ZC2HC1B: variants seen among roughly 807,000 people sequenced by gnomAD.
ZC2HC1B encodes the protein zinc finger C2HC-type containing 1B, also known as zinc finger C2HC domain-containing protein 1B.
In ZC2HC1B, 36 loss-of-function variants were observed where a neutral mutation model predicts 31.0. That is an observed-to-expected ratio of 1.16 (90% CI 0.89 to 1.54). The LOEUF is 1.54. Ranked by LOEUF, ZC2HC1B falls within the 40% of genes most tolerant of loss-of-function variation. The probability of loss-of-function intolerance (pLI) is 0.00; values close to 1 mark genes in which losing one functional copy is unlikely to be tolerated. For synonymous variants in ZC2HC1B, 73 were observed against 88.0 expected, an observed-to-expected ratio of 0.83 and a Z score of 0.95; for missense variants, 260 against 268.6, an observed-to-expected ratio of 0.97 and a Z score of 0.22.
intron 1 of ZC2HC1B, among the ~76,000 whole-genome samples, chr6:143,876,596 A>C (rs888164863): frequency 2.0e-5 from 3 of 150,542 alleles, no homozygotes; most frequent in Non-Finnish European, 4.4e-5. Context: ...AGGGTTCTCT[A>C]GAGAGACAGA....
At chr6:143,930,057 A>G (rs1393629237) in intron 6 of ZC2HC1B, among the ~76,000 whole-genome samples, 2 of 151,300 alleles carry the variant, frequency 1.3e-5, no homozygotes, top group Admixed American at 6.6e-5. Context: ...TGTTTTGTTG[A>G]TCTTTTGTAT....
intron 4 of ZC2HC1B, among the ~76,000 whole-genome samples, chr6:143,888,642 C>T (rs1777559555): frequency 1.3e-5 from 2 of 151,882 alleles, no homozygotes; most frequent in South Asian, 4.1e-4. Context: ...GTATTTTATT[C>T]ATTTTGACAT....
Position 143,886,268 on chromosome 6 carries a change from A to T in ZC2HC1B, c.210+117A>T. On this transcript the variant is annotated intron_variant, in intron 3 of 7. Transcript: ENST00000237275. The surrounding 1 kb of genome is among the most constrained non-coding windows in gnomAD (Gnocchi z 4.2). The stretch of plus-strand genomic sequence containing the variant: ...AATACAGTAATGTAATGTAACTGTA[A>T]TCCACCTTTACTTTTTTCTTTATAA... 1 of 1,126,230 alleles carries T rather than the reference A, an allele frequency of 8.9e-7. No homozygotes were observed. Among genetic ancestry groups the T allele is most frequent in the East Asian group, 3.1e-5 (1 of 31,866 alleles). 69.8% of individuals were successfully genotyped at this position (1,126,230 alleles called of 1,614,324 possible).
chr6:143,880,518 T>A (rs962009237), intron 1 of ZC2HC1B, among the ~76,000 whole-genome samples: 1 of 152,242 alleles, frequency 6.6e-6, no homozygotes, highest in African/African-American at 2.4e-5. Context: ...AAATGTTTCA[T>A]TAATATTTTT....
Position 143,918,788 on chromosome 6 carries a change from T to C in ZC2HC1B, c.598+15636T>C, listed in dbSNP as rs1323415800. ...TCAGACTTGATAATTTCCATTGTCCTGTCTTTAAGTTTGCTGAGTCTTTCC... is the reference window on the plus strand; with the variant it reads ...TCAGACTTGATAATTTCCATTGTCCCGTCTTTAAGTTTGCTGAGTCTTTCC... On this transcript the variant is annotated intron_variant, in intron 6 of 7. Transcript: ENST00000237275. This position sits in a 1 kb window ranked among gnomAD's most constrained non-coding sequence, Gnocchi z 4.1. 6.6e-6 allele frequency among the ~76,000 whole-genome samples: 1 copy of C among 152,222 alleles called. No individual in the cohort carries two copies. Among genetic ancestry groups the C allele is most frequent in the East Asian group, 1.9e-4 (1 of 5,202 alleles).
Position 143,883,194 on chromosome 6 carries a change from C to T in ZC2HC1B, c.29-1110C>T, listed in dbSNP as rs912147014. ...AGCTGGGACCACAGGCGCGAGCCAC[C>T]AAGCCCAACTAATTTTTTATTTTGT... is the stretch of plus-strand genomic sequence containing the variant. On this transcript the variant is annotated intron_variant, in intron 1 of 7. Transcript: ENST00000237275. This position sits in a 1 kb window ranked among gnomAD's most constrained non-coding sequence, Gnocchi z 4.1. Among the ~76,000 whole-genome samples, 79 of 152,146 alleles carry T rather than the reference C, an allele frequency of 5.2e-4. No homozygotes were observed. The highest frequency in any genetic ancestry group is 1.8e-3 in the African/African-American group (76 of 41,438).
chr6:143,892,264 AGGGAAGGAGGT>A (rs1777609824), intron 4 of ZC2HC1B, among the ~76,000 whole-genome samples: 1 of 151,402 alleles, frequency 6.6e-6, no homozygotes, highest in Non-Finnish European at 1.5e-5. Flanking sequence ...GCAAGAGGGA[AGGGAAGGAGGT>A]GGGAAGGAGG....
rs938089913 is a variant in ZC2HC1B, at chr6:143,911,811, G to A, written c.598+8659G>A. Among the ~76,000 whole-genome samples, 29 of 152,194 alleles carry A rather than the reference G, an allele frequency of 1.9e-4. No homozygotes were observed. The highest frequency in any genetic ancestry group is 6.5e-4 in the African/African-American group (27 of 41,528). On this transcript the variant is annotated intron_variant, in intron 6 of 7. Coordinates refer to ENST00000237275, the MANE Select transcript of ZC2HC1B (RefSeq NM_001013623.3). The surrounding 1 kb of genome is among the most constrained non-coding windows in gnomAD (Gnocchi z 4.5). The stretch of plus-strand genomic sequence containing the variant: ...CCACATTTCCTGAATTTGAATATTG[G>A]CCTGTCATGCTAGGTTGGGGAAGTG...
intron 6 of ZC2HC1B, among the ~76,000 whole-genome samples, chr6:143,929,964 A>G (rs1274575425): frequency 2.0e-5 from 3 of 151,922 alleles, no homozygotes; most frequent in Non-Finnish European, 4.4e-5. Flanking sequence ...GATTGTGCTT[A>G]TTTGAATCTT....
chr6:143,928,911 G>C (rs1778084736), intron 6 of ZC2HC1B, among the ~76,000 whole-genome samples: 1 of 150,070 alleles, frequency 6.7e-6, no homozygotes, highest in Admixed American at 6.6e-5. Context: ...TTGCTGTATA[G>C]AAATGCTACT....
At chr6:143,888,814 A>G (rs1213618543) in intron 4 of ZC2HC1B, among the ~76,000 whole-genome samples, 6 of 152,020 alleles carry the variant, frequency 3.9e-5, no homozygotes. Flanking sequence ...AGGATTTTAT[A>G]CAATAAGATT....
chr6:143,866,522 A>G (rs768881430), intron 1 of ZC2HC1B, among the ~76,000 whole-genome samples: 2 of 152,198 alleles, frequency 1.3e-5, no homozygotes, highest in African/African-American at 2.4e-5. Flanking sequence ...TTGAACCATC[A>G]TAAGTTGAGG....
At position 143,884,416 on chromosome 6, in the gene ZC2HC1B, G is replaced by C. The variant is rs1267530866; in HGVS notation, c.90+51G>C. ...GTGTTTCATTGGACTTAAATGAACTGTCAAGTCAGTGAGGAGGCGGCAGTG... is the reference window on the plus strand; with the variant it reads ...GTGTTTCATTGGACTTAAATGAACTCTCAAGTCAGTGAGGAGGCGGCAGTG... On this transcript the variant is annotated intron_variant, in intron 2 of 7. Coordinates refer to ENST00000237275, the MANE Select transcript of ZC2HC1B (RefSeq NM_001013623.3). The surrounding 1 kb of genome is among the most constrained non-coding windows in gnomAD (Gnocchi z 5.1). 3 of 1,483,704 alleles carry C rather than the reference G, an allele frequency of 2.0e-6. No individual in the cohort carries two copies. Among genetic ancestry groups the C allele is most frequent in the Non-Finnish European group, 2.7e-6 (3 of 1,094,546 alleles). The allele number at this position is 1,483,704 out of a possible 1,614,324, so 91.9% of individuals were successfully genotyped here.
chr6:143,915,029 A>C lies in ZC2HC1B; in HGVS notation c.598+11877A>C, dbSNP rs377528029. Among the ~76,000 whole-genome samples the C allele has an allele frequency of 2.3e-4, 35 of 152,258 alleles. No individual in the cohort carries two copies. In the East Asian group the frequency reaches 3.7e-3, roughly 16 times the overall value. On this transcript the variant is annotated intron_variant, in intron 6 of 7. Coordinates refer to ENST00000237275, the MANE Select transcript of ZC2HC1B (RefSeq NM_001013623.3). The surrounding 1 kb of genome is among the most constrained non-coding windows in gnomAD (Gnocchi z 5.2). ...AAGGAGAGACATTTGTCATTCTGGT[A>C]TATGTTTTCTATATGCCTTACAGCT...
chr6:143,935,646 CTT>C (rs759896830), intron 6 of ZC2HC1B, among the ~76,000 whole-genome samples: 117 of 55,812 alleles, frequency 2.1e-3, no homozygotes, highest in African/African-American at 5.9e-3. Context: ...TGGTATCACT[CTT>C]TTTTTTTTTT....
At chr6:143,891,909 G>A (rs1245183956) in intron 4 of ZC2HC1B, among the ~76,000 whole-genome samples, 2 of 152,012 alleles carry the variant, frequency 1.3e-5, no homozygotes, top group East Asian at 1.9e-4. Flanking sequence ...ATAGAATCTA[G>A]ATATAGACAC....
chr6:143,885,404 A>C lies in ZC2HC1B; in HGVS notation c.91-628A>C, dbSNP rs1000475693. On this transcript the variant is annotated intron_variant, in intron 2 of 7. Transcript: ENST00000237275. The surrounding 1 kb of genome is among the most constrained non-coding windows in gnomAD (Gnocchi z 4.2). ...GCAGAGGGATCTCTAAATGTCAGGT[A>C]CATCTTGGATACTTTTGAGTTTCAT... Among the ~76,000 whole-genome samples the C allele has an allele frequency of 6.6e-6, 1 of 152,190 alleles. No individual in the cohort carries two copies.
Position 143,870,469 on chromosome 6 carries a change from C to G in ZC2HC1B, c.28+5902C>G, listed in dbSNP as rs1384700861. Among the ~76,000 whole-genome samples, 1 of 152,158 alleles carries G rather than the reference C, an allele frequency of 6.6e-6. No homozygotes were observed. The highest frequency in any genetic ancestry group is 2.4e-5 in the African/African-American group (1 of 41,426). On this transcript the variant is annotated intron_variant, in intron 1 of 7. Transcript: ENST00000237275. This position sits in a 1 kb window ranked among gnomAD's most constrained non-coding sequence, Gnocchi z 4.7. The stretch of plus-strand genomic sequence containing the variant: ...GGAGTCTCCACCTTGGGCATTTGAG[C>G]CACTTCCTCATGTAACTTACTTGTG...
Position 143,865,088 on chromosome 6 carries a change from G to T in ZC2HC1B, c.28+521G>T, listed in dbSNP as rs1287727047. Among the ~76,000 whole-genome samples the T allele has an allele frequency of 1.3e-5, 2 of 152,160 alleles. No individual in the cohort carries two copies. Among genetic ancestry groups the T allele is most frequent in the African/African-American group, 2.4e-5 (1 of 41,418 alleles). ...GCCATGAGTCTTGATGAAGCATATT[G>T]TGATTTAGGCAGGTTATACTCCAAA... On this transcript the variant is annotated intron_variant, in intron 1 of 7. Transcript: ENST00000237275. The surrounding 1 kb of genome is among the most constrained non-coding windows in gnomAD (Gnocchi z 4.4).
Sources: allele counts gnomAD v4.1 joint callset (sites outside exome capture counted in the v4.1 genomes callset), GRCh38; gene constraint gnomAD v4.1.1; non-coding constraint Gnocchi (gnomAD v3.1); transcripts MANE v1.5; gene names NCBI Gene and HGNC (gene_info 2026-07-23, HGNC 2026-07-21).